Variants in L3MBTL4 observed in about 807,000 individuals in gnomAD.
The protein encoded by L3MBTL4 is lethal(3)malignant brain tumor-like protein 4.
In L3MBTL4, 70 loss-of-function variants were observed where a neutral mutation model predicts 84.5. The ratio of observed to expected loss-of-function variants is 0.83; its 90% confidence interval spans 0.68 to 1.01. The LOEUF (loss-of-function observed/expected upper bound fraction) is 1.01, where lower values mean the gene tolerates loss of function less well. Among genes scored for constraint, L3MBTL4 ranks in the 50% least tolerant of loss-of-function variants. L3MBTL4 has a pLI of 0.00. For synonymous variants in L3MBTL4, 274 were observed against 259.8 expected (o/e 1.05, Z -0.52); for missense variants, 715 against 754.8 (o/e 0.95, Z 0.62).
chr18:6,396,975 A>G (rs1303483985), intron 1 of L3MBTL4: 1 of 152,218 alleles, frequency 6.6e-6, no homozygotes, highest in African/African-American at 2.4e-5. Context: ...TCAAACAAGT[A>G]AACGTTTTAA....
At chr18:6,081,028 T>A in intron 15 of L3MBTL4, 77 bp from the exon 16 acceptor site, 1 of 1,082,716 alleles carries the variant, frequency 9.2e-7, no homozygotes, top group Non-Finnish European at 1.4e-6. Flanking sequence ...AGCACAAATT[T>A]AAATAGAAAC....
At chr18:6,401,712 A>T (rs1468824816) in intron 1 of L3MBTL4, among the ~76,000 whole-genome samples, 1 of 152,228 alleles carries the variant, frequency 6.6e-6, no homozygotes, top group African/African-American at 2.4e-5. Context: ...GTGCACACCC[A>T]CAAGGCGGCT....
At chr18:6,142,043 T>C (rs538004094) in intron 13 of L3MBTL4, among the ~76,000 whole-genome samples, 67 of 152,374 alleles carry the variant, frequency 4.4e-4, no homozygotes, top group African/African-American at 1.5e-3. Context: ...CTGTGTCCCC[T>C]TGGATAACTT....
intron 16 of L3MBTL4, among the ~76,000 whole-genome samples, chr18:6,035,401 A>C (rs1439660351): frequency 1.3e-5 from 2 of 151,422 alleles, no homozygotes; most frequent in African/African-American, 2.4e-5. Flanking sequence ...TTTATTAAAT[A>C]GGGAATCCTT....
At chr18:5,972,391 G>A (rs1244054670) in intron 16 of L3MBTL4, among the ~76,000 whole-genome samples, 2 of 152,272 alleles carry the variant, frequency 1.3e-5, no homozygotes, top group Admixed American at 6.5e-5. Flanking sequence ...TCGAAGACAT[G>A]GGACTGGAGG....
At chr18:6,403,459 T>G (rs1232525453) in intron 1 of L3MBTL4, among the ~76,000 whole-genome samples, 1 of 152,240 alleles carries the variant, frequency 6.6e-6, no homozygotes, top group Non-Finnish European at 1.5e-5. Flanking sequence ...ACCTATTATA[T>G]TGGATACAAT....
intron 4 of L3MBTL4, among the ~76,000 whole-genome samples, chr18:6,267,934 A>G (rs1201393676): frequency 1.3e-5 from 2 of 152,230 alleles, no homozygotes; most frequent in East Asian, 3.8e-4. Context: ...TGAATTATAA[A>G]GGCATTCTCT....
intron 1 of L3MBTL4, among the ~76,000 whole-genome samples, chr18:6,345,282 A>ATAG (rs1043098140): frequency 6.6e-6 from 1 of 150,958 alleles, no homozygotes; most frequent in African/African-American, 2.4e-5. Flanking sequence ...CTGTAGTCCC[A>ATAG]GCTATATGGG....
intron 1 of L3MBTL4, among the ~76,000 whole-genome samples, chr18:6,388,867 G>A (rs1025286863): frequency 6.6e-6 from 1 of 152,086 alleles, no homozygotes; most frequent in African/African-American, 2.4e-5. Flanking sequence ...GTGAAGTCCA[G>A]GTGTCAATAG....
chr18:6,363,105 A>G (rs1037110345), intron 1 of L3MBTL4, among the ~76,000 whole-genome samples: 1 of 152,246 alleles, frequency 6.6e-6, no homozygotes. Flanking sequence ...AATGCTAGAC[A>G]CAGACATTCT....
At position 6,306,439 on chromosome 18, in the gene L3MBTL4, A is replaced by T. The variant is rs140269426; in HGVS notation, c.73-4482T>A. On this transcript the variant is annotated intron_variant, in intron 3 of 18. Transcript: ENST00000317931. Reference sequence around the variant, plus strand: ...AAATATAACAAAGCCTTATAAATACATGAATTTTACTGACTGTTGTAAACT... The same window carrying T: ...AAATATAACAAAGCCTTATAAATACTTGAATTTTACTGACTGTTGTAAACT... Among the ~76,000 whole-genome samples the T allele has an allele frequency of 2.0e-5, 3 of 152,352 alleles. No individual in the cohort carries two copies. In the East Asian group the frequency reaches 5.8e-4, roughly 29 times the overall value.
At chr18:6,144,196 C>CAAAAAAAAAAAAA in intron 13 of L3MBTL4, among the ~76,000 whole-genome samples, 1 of 58,080 alleles carries the variant, frequency 1.7e-5, no homozygotes, top group Non-Finnish European at 3.4e-5. Flanking sequence ...ACTCCATCTC[C>CAAAAAAAAAAAAA]AAAAAAAAAA....
At chr18:6,040,751 G>C (rs983860796) in intron 16 of L3MBTL4, among the ~76,000 whole-genome samples, 1 of 152,128 alleles carries the variant, frequency 6.6e-6, no homozygotes, top group Admixed American at 6.5e-5. Flanking sequence ...GAGAAAGAGA[G>C]ACACCTGAAG....
In L3MBTL4 at chr18:6,215,761, C is replaced by T; in HGVS notation, c.859G>A (p.Val287Ile). Reference protein sequence around the residue: ...ATQTNAVPAKVFKMRLPHGFL... With the variant: ...ATQTNAVPAKIFKMRLPHGFL... ...CACATAGAACTTACCATTTTAAAAA[C>T]TTTGGCAGGAACTGCATTGGTTTGA... The change falls in exon 11 of 19, where the codon GTT becomes ATT. Residue 287 changes from valine to isoleucine, a missense_variant. Physicochemically the swap from Val to Ile is conservative, Grantham distance 29 (BLOSUM62 3). Transcript: ENST00000317931. 4 of 1,602,464 alleles carry T rather than the reference C, an allele frequency of 2.5e-6. No individual in the cohort carries two copies. The highest frequency in any genetic ancestry group is 3.4e-6 in the Non-Finnish European group (4 of 1,174,772).
rs1749454719 is a variant in L3MBTL4 at position 6,063,511 on chromosome 18, C to A, written c.1444+17370G>T. On this transcript the variant is annotated intron_variant, in intron 16 of 18. Transcript: ENST00000317931. The stretch of plus-strand genomic sequence containing the variant: ...GTGTAAAAGTGTTCCCTTTTCACCA[C>A]ATCCATGCCAACATCTATTGTTTTT... 2.0e-5 allele frequency among the ~76,000 whole-genome samples: 3 copies of A among 151,952 alleles called. No homozygotes were observed. The South Asian group carries it at 6.2e-4, about 31-fold the overall frequency.
chr18:5,961,896 G>A (rs1187484604), intron 17 of L3MBTL4, among the ~76,000 whole-genome samples: 2 of 152,142 alleles, frequency 1.3e-5, no homozygotes, highest in South Asian at 2.1e-4. Context: ...ACTGGGGCAG[G>A]TGATGGCAGT....
intron 3 of L3MBTL4, among the ~76,000 whole-genome samples, chr18:6,306,091 T>C (rs1011015372): frequency 4.6e-5 from 7 of 152,228 alleles, no homozygotes; most frequent in Middle Eastern, 3.2e-3. Flanking sequence ...TTTCATGGAC[T>C]GTAGAAAACA....
At position 6,343,643 on chromosome 18, in the gene L3MBTL4, C is replaced by G. The variant is rs372165201; in HGVS notation, c.-90-31587G>C. On this transcript the variant is annotated intron_variant, in intron 1 of 18. Transcript: ENST00000317931. ...CACCACTGCACTCCAGCCTTGGCAACAGAGCGAGACACCATATCAAAAAAA... is the reference window on the plus strand; with the variant it reads ...CACCACTGCACTCCAGCCTTGGCAAGAGAGCGAGACACCATATCAAAAAAA... Among the ~76,000 whole-genome samples, 398 of 130,884 alleles carry G rather than the reference C, an allele frequency of 3.0e-3. 1 individual carries two copies. The highest frequency in any genetic ancestry group is 0.011 in the African/African-American group (363 of 32,894). The allele number at this position is 130,884 out of a possible 152,430, so 85.9% of individuals were successfully genotyped here.
intron 17 of L3MBTL4, among the ~76,000 whole-genome samples, chr18:5,963,658 A>G (rs2052182225): frequency 6.6e-6 from 1 of 152,270 alleles, no homozygotes; most frequent in African/African-American, 2.4e-5. Context: ...GAATTTTAAA[A>G]TATGCAAAGG....
Sources: gnomAD v4.1 joint callset for allele counts (sites outside exome capture counted in the v4.1 genomes callset) on GRCh38, gnomAD v4.1.1 for gene constraint, MANE v1.5 for transcripts, NCBI Gene and HGNC (gene_info 2026-07-23, HGNC 2026-07-21) for gene names.